TENT2: variants seen among roughly 807,000 people sequenced by gnomAD.
TENT2 encodes poly(A) RNA polymerase GLD2.
In TENT2, 44 loss-of-function variants were observed where a neutral mutation model predicts 72.2. The observed-to-expected ratio is 0.61, with a 90% CI of 0.48 to 0.78. The LOEUF (loss-of-function observed/expected upper bound fraction) is 0.78. Ranked by LOEUF, TENT2 falls within the 30% of genes least tolerant of loss-of-function variation. TENT2 has a pLI of 0.00. For missense variants in TENT2, 541 were observed against 569.6 expected (o/e 0.95, Z 0.51); for synonymous variants, 212 against 192.5 (o/e 1.10, Z -0.84).
intron 1 of TENT2, 45 bp from the exon 2 acceptor site, chr5:79,619,567 C>G: frequency 7.3e-7 from 1 of 1,372,574 alleles, no homozygotes; most frequent in Non-Finnish European, 9.8e-7. Context: ...TGTTTAGTGT[C>G]TTTAAGCTAT....
At chr5:79,649,008 T>A (rs940240513) in intron 9 of TENT2, 54 bp from the exon 10 acceptor site, 34 of 1,570,290 alleles carry the variant, frequency 2.2e-5, no homozygotes, top group Non-Finnish European at 3.0e-5. Context: ...TGATGTAAAC[T>A]TTCAAAGAAA....
At chr5:79,685,103 C>T in intron 14 of TENT2, 96 bp from the exon 15 acceptor site, 4 of 969,064 alleles carry the variant, frequency 4.1e-6, no homozygotes, top group Non-Finnish European at 6.3e-6. Flanking sequence ...AAATTTATCA[C>T]CTAGAGAGAA....
At chr5:79,664,551 C>T (rs138296648) in intron 11 of TENT2, among the ~76,000 whole-genome samples, 1,587 of 148,614 alleles carry the variant, frequency 0.011, 25 homozygotes, top group East Asian at 0.071. Flanking sequence ...GCTGAGATCA[C>T]GTCACTGCAC....
intron 12 of TENT2, among the ~76,000 whole-genome samples, chr5:79,670,750 A>C (rs1305845269): frequency 1.3e-5 from 2 of 150,812 alleles, no homozygotes; most frequent in African/African-American, 2.4e-5. Flanking sequence ...AACAATAGCT[A>C]ATGTTTAGTG....
At chr5:79,657,044 G>T in intron 11 of TENT2, 43 bp downstream of exon 11, 1 of 1,329,200 alleles carries the variant, frequency 7.5e-7, no homozygotes. Flanking sequence ...TTTATGTCAA[G>T]TGTATGTAGA....
At chr5:79,616,566 C>T (rs1402812608) in intron 1 of TENT2, among the ~76,000 whole-genome samples, 2 of 152,162 alleles carry the variant, frequency 1.3e-5, no homozygotes, top group Non-Finnish European at 2.9e-5. Context: ...AATCTGCCTG[C>T]CTCAGCCTCC....
intron 11 of TENT2, among the ~76,000 whole-genome samples, chr5:79,659,317 G>C: frequency 6.6e-6 from 1 of 151,020 alleles, no homozygotes; most frequent in Admixed American, 6.6e-5. Flanking sequence ...GGTGGATCAC[G>C]AGGTCAGGAG....
At chr5:79,670,406 C>G (rs1368417741) in intron 12 of TENT2, among the ~76,000 whole-genome samples, 2 of 151,454 alleles carry the variant, frequency 1.3e-5, no homozygotes, top group Non-Finnish European at 2.9e-5. Flanking sequence ...CTCACTGCAA[C>G]CTCTGCCTCC....
At chr5:79,633,316 T>C (rs530928526) in intron 4 of TENT2, among the ~76,000 whole-genome samples, 30 of 152,286 alleles carry the variant, frequency 2.0e-4, no homozygotes, top group African/African-American at 6.7e-4. Flanking sequence ...GACCATAGTT[T>C]AATTTTATTT....
At chr5:79,656,808 G>C in intron 10 of TENT2, 150 bp from the exon 11 acceptor site, 1 of 523,544 alleles carries the variant, frequency 1.9e-6, no homozygotes, top group Non-Finnish European at 3.4e-6. Flanking sequence ...ACAAACTTAG[G>C]GATAAGAATT....
chr5:79,626,719 C>T (rs1193183581), intron 4 of TENT2, among the ~76,000 whole-genome samples: 4 of 151,166 alleles, frequency 2.6e-5, no homozygotes, highest in Non-Finnish European at 1.5e-5. Flanking sequence ...TCATTGGCCT[C>T]CCAGAGGGCT....
chr5:79,641,545 T>C (rs1784485068), intron 6 of TENT2, among the ~76,000 whole-genome samples: 1 of 151,948 alleles, frequency 6.6e-6, no homozygotes, highest in Non-Finnish European at 1.5e-5. Context: ...CTTCTTGATG[T>C]ATTTCCTTTC....
At chr5:79,673,243 T>G (rs1015167497) in intron 12 of TENT2, among the ~76,000 whole-genome samples, 3 of 152,194 alleles carry the variant, frequency 2.0e-5, no homozygotes, top group Non-Finnish European at 2.9e-5. Context: ...ATTCTATGGG[T>G]TTGTCTCCTC....
intron 10 of TENT2, among the ~76,000 whole-genome samples, chr5:79,656,041 A>G (rs61248190): frequency 0.2 from 30,796 of 151,772 alleles, 4,611 homozygotes; most frequent in African/African-American, 0.42. Flanking sequence ...ATGCTTTGTT[A>G]TTGAGTTTAT....
intron 12 of TENT2, among the ~76,000 whole-genome samples, chr5:79,673,735 A>G (rs534542384): frequency 6.6e-6 from 1 of 152,294 alleles, no homozygotes; most frequent in South Asian, 2.1e-4. Context: ...GATAACTTCA[A>G]GATATTCAAG....
chr5:79,676,163 T>TACACAC (rs59618310), intron 12 of TENT2, among the ~76,000 whole-genome samples: 11,721 of 147,376 alleles, frequency 0.08, 496 homozygotes, highest in South Asian at 0.11. Context: ...TATATATGTA[T>TACACAC]ACACACACAC....
intron 12 of TENT2, among the ~76,000 whole-genome samples, chr5:79,678,761 A>C (rs895252453): frequency 1.3e-5 from 2 of 152,228 alleles, no homozygotes; most frequent in Non-Finnish European, 2.9e-5. Flanking sequence ...ACACATAAAG[A>C]TGTACCTGAA....
intron 11 of TENT2, among the ~76,000 whole-genome samples, chr5:79,665,384 G>A (rs1187362921): frequency 1.3e-5 from 2 of 152,068 alleles, no homozygotes; most frequent in South Asian, 2.1e-4. Context: ...TCCAGAAAGC[G>A]CTTAATTGTC....
intron 11 of TENT2, among the ~76,000 whole-genome samples, chr5:79,661,711 G>A (rs1193559495): frequency 6.6e-6 from 1 of 152,208 alleles, no homozygotes; most frequent in East Asian, 1.9e-4. Flanking sequence ...GTCTTGCTTT[G>A]ATACTGACGG....
Sources: allele counts gnomAD v4.1 joint callset (sites outside exome capture counted in the v4.1 genomes callset), GRCh38; gene constraint gnomAD v4.1.1; transcripts MANE v1.5; gene names NCBI Gene and HGNC (gene_info 2026-07-23, HGNC 2026-07-21).